The following RBFOX3 variants were observed in gnomAD, a reference collection of about 807,000 sequenced individuals.
RBFOX3 encodes RNA binding protein fox-1 homolog 3.
A neutral mutation model predicts 48.7 loss-of-function variants in RBFOX3; 17 were observed. That is an observed-to-expected ratio of 0.35 (90% CI 0.24 to 0.52). The LOEUF (loss-of-function observed/expected upper bound fraction) is 0.52. RBFOX3 is among the 20% of genes least tolerant of loss of function. The pLI, the probability that RBFOX3 is intolerant of heterozygous loss-of-function variation, is 0.94. For missense variants in RBFOX3, 382 were observed against 497.5 expected, an observed-to-expected ratio of 0.77 and a Z score of 2.21; for synonymous variants, 212 against 209.5, an observed-to-expected ratio of 1.01 and a Z score of -0.10.
intron 3 of RBFOX3, among the ~76,000 whole-genome samples, chr17:79,276,672 G>A (rs767885392): frequency 6.6e-6 from 1 of 152,142 alleles, no homozygotes; most frequent in Non-Finnish European, 1.5e-5. Context: ...GTGACAGAGC[G>A]AGACTCTGCC....
chr17:79,426,266 C>T (rs2067362268), intron 2 of RBFOX3, among the ~76,000 whole-genome samples: 1 of 152,070 alleles, frequency 6.6e-6, no homozygotes, highest in Non-Finnish European at 1.5e-5. Flanking sequence ...CAGGCAAGGC[C>T]CAGAGGGGAG....
chr17:79,659,028 T>C, the RBFOX3 span, among the ~76,000 whole-genome samples: 1 of 152,156 alleles, frequency 6.6e-6, no homozygotes, highest in Non-Finnish European at 1.5e-5. Context: ...TTCTTGGCAA[T>C]GCTCCTCCTA....
At chr17:79,407,375 T>C (rs1040014795) in intron 2 of RBFOX3, among the ~76,000 whole-genome samples, 21 of 152,208 alleles carry the variant, frequency 1.4e-4, no homozygotes, top group African/African-American at 5.1e-4. Flanking sequence ...CACTCAACTA[T>C]TGAATAAAGG....
chr17:79,589,715 G>T (rs2093361943), intron 1 of RBFOX3, among the ~76,000 whole-genome samples: 1 of 152,084 alleles, frequency 6.6e-6, no homozygotes, highest in African/African-American at 2.4e-5. Context: ...GTGAAGAGGG[G>T]TCACATGCAC....
rs1462943845 is a variant in RBFOX3, at chr17:79,482,585, G to C, written c.-306C>G. The C allele has an allele frequency of 6.6e-6, 1 of 152,124 alleles. No homozygotes were observed. The highest frequency in any genetic ancestry group is 1.5e-5 in the Non-Finnish European group (1 of 68,006). The allele number at this position is 152,124 out of a possible 1,614,324, so 9.4% of individuals were successfully genotyped here. On this transcript the variant is annotated 5_prime_UTR_variant, in exon 2 of 15. Coordinates refer to ENST00000693108, the MANE Select transcript of RBFOX3 (RefSeq NM_001350451.2). This position sits in a 1 kb window ranked among gnomAD's most constrained non-coding sequence, Gnocchi z 4.1. Reference sequence around the variant, plus strand: ...ACAGGAAGACTGTTAGCTTCTCAGAGGCAGAATTTCAACCTGCAGGGGGAA... The same window carrying C: ...ACAGGAAGACTGTTAGCTTCTCAGACGCAGAATTTCAACCTGCAGGGGGAA...
intron 5 of RBFOX3, among the ~76,000 whole-genome samples, chr17:79,108,356 C>T (rs892049190): frequency 6.6e-6 from 1 of 152,238 alleles, no homozygotes; most frequent in African/African-American, 2.4e-5. Context: ...AGCCTGCGAG[C>T]AAGAGGAGGA....
rs1187107542 is a variant in RBFOX3, at chr17:79,574,621, GC to G, written c.-320+36204del. ...TCATGAATAATCCACCCCTTGTTTA[GC>G]ATGTAATCAAGAAGTAACTATAAGT... is the stretch of plus-strand genomic sequence containing the variant. On this transcript the variant is annotated intron_variant, in intron 1 of 14. Transcript: ENST00000693108. 3.3e-5 allele frequency among the ~76,000 whole-genome samples: 5 copies of G among 152,318 alleles called. No homozygotes were observed. The East Asian group carries it at 9.6e-4, about 29-fold the overall frequency.
intron 3 of RBFOX3, among the ~76,000 whole-genome samples, chr17:79,255,222 C>CGTGTGTGTGTGT (rs142604866): frequency 2.4e-4 from 36 of 147,422 alleles, no homozygotes; most frequent in Admixed American, 8.1e-4. Context: ...CACATGTGTG[C>CGTGTGTGTGTGT]GTGTGTGTGT....
At chr17:79,130,472 C>A (rs1435326435) in intron 4 of RBFOX3, among the ~76,000 whole-genome samples, 2 of 152,246 alleles carry the variant, frequency 1.3e-5, no homozygotes, top group Admixed American at 1.3e-4. Flanking sequence ...CAGGCTGGGC[C>A]GCTGTGGTCC....
At chr17:79,519,181 C>T (rs2085692613) in intron 1 of RBFOX3, among the ~76,000 whole-genome samples, 1 of 152,232 alleles carries the variant, frequency 6.6e-6, no homozygotes, top group Admixed American at 6.5e-5. Context: ...AGTTTCTATT[C>T]TGCTTCTCTC....
chr17:79,607,543 T>C (rs1318399015), intron 1 of RBFOX3, among the ~76,000 whole-genome samples: 2 of 152,136 alleles, frequency 1.3e-5, no homozygotes, highest in Admixed American at 1.3e-4. Flanking sequence ...ACTCTGGCGC[T>C]TCTGGGAGGG....
chr17:79,209,975 C>T (rs1172286005), intron 4 of RBFOX3, among the ~76,000 whole-genome samples: 17 of 136,020 alleles, frequency 1.2e-4, no homozygotes, highest in Admixed American at 2.5e-4. Context: ...CTAGCCTGGG[C>T]GACAGAGCAA....
At chr17:79,372,085 C>A (rs1380735591) in intron 2 of RBFOX3, among the ~76,000 whole-genome samples, 1 of 152,072 alleles carries the variant, frequency 6.6e-6, no homozygotes. Context: ...AATGCACCCT[C>A]TAAACGCCAG....
Position 79,090,287 on chromosome 17 carries a change from G to C in RBFOX3, c.*596C>G, listed in dbSNP as rs1443757024. On this transcript the variant is annotated 3_prime_UTR_variant, in exon 15 of 15. Transcript: ENST00000693108. ...GTTGGACGGCTTCCTCGCCAGGCTGGGGGCACGGGCGGGACTGCCGGGCAG... is the reference window on the plus strand; with the variant it reads ...GTTGGACGGCTTCCTCGCCAGGCTGCGGGCACGGGCGGGACTGCCGGGCAG... 1.3e-5 allele frequency: 2 copies of C among 152,514 alleles called. No homozygotes were observed. Among genetic ancestry groups the C allele is most frequent in the Admixed American group, 1.3e-4 (2 of 15,298 alleles). 9.4% of individuals were successfully genotyped at this position (152,514 alleles called of 1,614,324 possible). A position where few individuals can be genotyped will look rare whatever the true frequency, so the allele number is the denominator to read the frequency against.
chr17:79,204,083 T>C lies in RBFOX3; in HGVS notation c.-34+31683A>G, dbSNP rs1230571887. 6.6e-6 allele frequency among the ~76,000 whole-genome samples: 1 copy of C among 152,150 alleles called. No individual in the cohort carries two copies. The highest frequency in any genetic ancestry group is 2.4e-5 in the African/African-American group (1 of 41,418). The stretch of plus-strand genomic sequence containing the variant: ...CTCACCTGGAGAACCAGCAAAGACC[T>C]CAACTGAGAAATTTTCTCATGAGAT... On this transcript the variant is annotated intron_variant, in intron 4 of 14. Coordinates refer to ENST00000693108, the MANE Select transcript of RBFOX3 (RefSeq NM_001350451.2). This position sits in a 1 kb window ranked among gnomAD's most constrained non-coding sequence, Gnocchi z 4.5.
intron 4 of RBFOX3, chr17:79,134,945 G>C (rs2039831129): frequency 6.6e-6 from 1 of 152,400 alleles, no homozygotes; most frequent in Non-Finnish European, 1.5e-5. Context: ...CAGAGATTGA[G>C]GAGGGGGCAG....
At chr17:79,635,385 C>G in the RBFOX3 span, among the ~76,000 whole-genome samples, 8 of 152,248 alleles carry the variant, frequency 5.3e-5, no homozygotes, top group South Asian at 1.0e-3. Flanking sequence ...GAGAAGGATC[C>G]TGGGAGCCCT....
chr17:79,631,688 T>G, the RBFOX3 span, among the ~76,000 whole-genome samples: 1 of 152,160 alleles, frequency 6.6e-6, no homozygotes, highest in South Asian at 2.1e-4. Flanking sequence ...CCCTCCCCAG[T>G]GGCTCACCTC....
chr17:79,228,256 C>G (rs1472075460), intron 4 of RBFOX3, among the ~76,000 whole-genome samples: 1 of 152,192 alleles, frequency 6.6e-6, no homozygotes, highest in Non-Finnish European at 1.5e-5. Context: ...GCAAAGCTGT[C>G]CGCTCCGGAG....
Sources: gnomAD v4.1 joint callset for allele counts (sites outside exome capture counted in the v4.1 genomes callset) on GRCh38, gnomAD v4.1.1 for gene constraint, Gnocchi (gnomAD v3.1) non-coding constraint, MANE v1.5 for transcripts, NCBI Gene and HGNC (gene_info 2026-07-23, HGNC 2026-07-21) for gene names.